SLC15A3: variants seen among roughly 807,000 people sequenced by gnomAD.
The protein encoded by SLC15A3 is osteoclast transporter.
A neutral mutation model predicts 49.2 loss-of-function variants in SLC15A3; 39 were observed. The observed-to-expected ratio is 0.79, with a 90% CI of 0.61 to 1.04. The LOEUF is 1.04. Among genes scored for constraint, SLC15A3 ranks in the 50% least tolerant of loss-of-function variants. The pLI is 0.00. For synonymous variants in SLC15A3, 339 were observed against 367.0 expected, an observed-to-expected ratio of 0.92 and a Z score of 0.87; for missense variants, 758 against 794.8, an observed-to-expected ratio of 0.95 and a Z score of 0.56.
Position 60,939,609 on chromosome 11 carries a change from T to G in SLC15A3, c.1306A>C (p.Ile436Leu). 3.1e-6 allele frequency: 5 copies of G among 1,614,054 alleles called. No individual in the cohort carries two copies. Among genetic ancestry groups the G allele is most frequent in the Non-Finnish European group, 4.2e-6 (5 of 1,179,982 alleles). ...TGGGACACGGTCTCGTTGTGGTGGA[T>G]GTAGTGTAAGCGCTCCATCTCCAGG... ...GVLEMERLHYIHHNETVSQQI... is the reference protein window; with the variant it reads ...GVLEMERLHYLHHNETVSQQI... Residue 436 changes from isoleucine to leucine, a missense_variant, in exon 6 of 8, where the codon ATC becomes CTC. By Grantham distance (5) the Ile-to-Leu change is conservative. Around this residue, in one of 3 missense-constraint regions of SLC15A3, gnomAD observed 699 missense variants for 706.7 expected, o/e 0.99. Coordinates refer to ENST00000227880, the MANE Select transcript of SLC15A3 (RefSeq NM_016582.3).
intron 2 of SLC15A3, among the ~76,000 whole-genome samples, chr11:60,944,340 T>C (rs1447393012): frequency 6.6e-6 from 1 of 152,090 alleles, no homozygotes; most frequent in Non-Finnish European, 1.5e-5. Context: ...ATCACCACCA[T>C]CGCCAAGGCC....
rs536232287 is a variant in SLC15A3 at position 60,938,233 on chromosome 11, C to T, written c.1436-208G>A. ...GCTCACCTGCCTCCTGGCTGAACCC[C>T]TGCACCGGGGTACTCCATGCGCTGC... On this transcript the variant is annotated intron_variant, in intron 6 of 7. Coordinates refer to ENST00000227880, the MANE Select transcript of SLC15A3 (RefSeq NM_016582.3). The T allele has an allele frequency of 1.9e-5, 11 of 591,300 alleles. No homozygotes were observed. In the East Asian group the frequency reaches 3.0e-4, roughly 16 times the overall value. The allele number at this position is 591,300 out of a possible 1,614,324, so 36.6% of individuals were successfully genotyped here. A position where few individuals can be genotyped will look rare whatever the true frequency, so the allele number is the denominator to read the frequency against.
chr11:60,939,490 G>T lies in SLC15A3; in HGVS notation c.1425C>A (p.Ala475=). 2 of 1,614,116 alleles carry T rather than the reference G, an allele frequency of 1.2e-6. No individual in the cohort carries two copies. The highest frequency in any genetic ancestry group is 1.7e-6 in the Non-Finnish European group (2 of 1,179,972). Residue 475 remains alanine (A), a synonymous_variant, in exon 6 of 8, where the codon GCC becomes GCA. Coordinates refer to ENST00000227880, the MANE Select transcript of SLC15A3 (RefSeq NM_016582.3). ...YLLIGISEIF[A]SIPGLEFAYS... ...GGGGATCCAGGGTACCTGGGATGCT[G>T]GCAAAGATCTCACTGATCCCAATGA...
chr11:60,949,378 GAA>G (rs1265231171), intron 1 of SLC15A3, among the ~76,000 whole-genome samples: 1 of 143,352 alleles, frequency 7.0e-6, no homozygotes, highest in Non-Finnish European at 1.5e-5. Context: ...GAAAGAGAAA[GAA>G]AGAGAGAGAG....
intron 7 of SLC15A3, 70 bp downstream of exon 7, chr11:60,937,800 T>C (rs1856642262): frequency 1.9e-6 from 3 of 1,554,850 alleles, no homozygotes; most frequent in African/African-American, 2.7e-5. Flanking sequence ...CAAAGCACTT[T>C]AGCAGTTGCC....
Position 60,950,979 on chromosome 11 carries a change from C to G in SLC15A3, c.558+15G>C. 2 of 1,423,960 alleles carry G rather than the reference C, an allele frequency of 1.4e-6. No homozygotes were observed. The highest frequency in any genetic ancestry group is 1.8e-6 in the Non-Finnish European group (2 of 1,095,844). 88.2% of individuals were successfully genotyped at this position (1,423,960 alleles called of 1,614,324 possible). A position where few individuals can be genotyped will look rare whatever the true frequency, so the allele number is the denominator to read the frequency against. On this transcript the variant is annotated intron_variant, in intron 1 of 7. Coordinates refer to ENST00000227880, the MANE Select transcript of SLC15A3 (RefSeq NM_016582.3). ...ACCCGCCGGAGTATGCCGGGGCAGG[C>G]CTCCTGCCACTCACCTGGTCGGCAC...
At position 60,941,238 on chromosome 11, in the gene SLC15A3, A is replaced by T; in HGVS notation, c.1160T>A (p.Val387Asp). ...GTCGATCAAGCGGTCCTTCAGAGGG[A>T]CCAGAATCAGCACCACCACAACATT... The part of the protein sequence containing the change: ...LANVVVVLIL[V>D]PLKDRLIDPL... The change falls in exon 5 of 8, where the codon GTC (valine) becomes GAC (aspartate). Residue 387 changes from valine (V) to aspartate (D), a missense_variant. Physicochemically the swap from Val to Asp is radical, Grantham distance 152. This residue lies in a region of SLC15A3 where 699 missense variants were observed against 706.7 expected (regional missense o/e 0.99). Transcript: ENST00000227880. 6.2e-7 allele frequency: 1 copy of T among 1,614,156 alleles called. No homozygotes were observed. The highest frequency in any genetic ancestry group is 8.5e-7 in the Non-Finnish European group (1 of 1,180,024).
intron 1 of SLC15A3, 94 bp downstream of exon 1, chr11:60,950,900 A>T: frequency 7.9e-7 from 1 of 1,264,812 alleles, no homozygotes; most frequent in Non-Finnish European, 1.0e-6. Flanking sequence ...TAGTGCAGGC[A>T]GGGGACCTGG....
intron 6 of SLC15A3, 43 bp from the exon 7 acceptor site, chr11:60,938,068 C>A (rs369468328): frequency 1.2e-6 from 2 of 1,600,682 alleles, no homozygotes; most frequent in Admixed American, 1.7e-5. Context: ...CTGGTGCAGG[C>A]GCAGAGAACA....
chr11:60,946,810 G>A lies in SLC15A3; in HGVS notation c.570C>T (p.Leu190=), dbSNP rs767081932. The A allele has an allele frequency of 2.1e-5, 33 of 1,609,230 alleles. No homozygotes were observed. Among genetic ancestry groups the A allele is most frequent in the Middle Eastern group, 1.7e-4 (1 of 6,054 alleles). The change falls in exon 2 of 8, where the codon CTC becomes CTT. Residue 190 remains leucine (L), a synonymous_variant. Coordinates refer to ENST00000227880, the MANE Select transcript of SLC15A3 (RefSeq NM_016582.3). The stretch of plus-strand genomic sequence containing the variant: ...AGAAGCGGCGGGTGGCGTCGCGGCC[G>A]AGATCCATCACCTGCCATTCAGGAA... ...TSFGADQVMD[L]GRDATRRFFN...
chr11:60,941,395 A>T (rs1471569289), intron 4 of SLC15A3, 105 bp from the exon 5 acceptor site: 1 of 1,188,838 alleles, frequency 8.4e-7, no homozygotes, highest in Non-Finnish European at 1.2e-6. Flanking sequence ...CCTGGGGTCC[A>T]GCTCCTTTCC....
chr11:60,940,329 T>G (rs1165973836), intron 5 of SLC15A3: 3 of 152,696 alleles, frequency 2.0e-5, no homozygotes, highest in Non-Finnish European at 4.4e-5. Context: ...CCCAGGATTA[T>G]TGTGAGGATA....
At chr11:60,939,455 G>A (rs924797864) in intron 6 of SLC15A3, 25 bp downstream of exon 6, 3 of 1,612,104 alleles carry the variant, frequency 1.9e-6, no homozygotes, top group Non-Finnish European at 2.5e-6. Flanking sequence ...ACTGGTGCAG[G>A]AGCAGGGGAG....
intron 6 of SLC15A3, 46 bp downstream of exon 6, chr11:60,939,434 C>T (rs1856678173): frequency 6.2e-7 from 1 of 1,604,852 alleles, no homozygotes; most frequent in African/African-American, 1.3e-5. Context: ...TGCCACCGGG[C>T]AGAGCCCATC....
rs770304014 is a variant in SLC15A3 at position 60,946,616 on chromosome 11, G to C, written c.764C>G (p.Pro255Arg). The C allele has an allele frequency of 3.7e-6, 6 of 1,613,886 alleles. No individual in the cohort carries two copies. The Admixed American group carries it at 1.0e-4, about 27-fold the overall frequency. The change falls in exon 2 of 8, where the codon CCC becomes CGC. Residue 255 changes from proline to arginine, a missense_variant. Pro to Arg is a moderately radical substitution (Grantham distance 103, BLOSUM62 -2). Transcript: ENST00000227880. ...LFATPVFITKPPMGSQVSSML... is the reference protein window; with the variant it reads ...LFATPVFITKRPMGSQVSSML... ...AGAGGACACTTGGCTGCCCATCGGG[G>C]GCTTGGTGATGAAGACGGGGGTGGC...
intron 2 of SLC15A3, among the ~76,000 whole-genome samples, chr11:60,945,988 C>G (rs979584198): frequency 6.6e-6 from 1 of 151,994 alleles, no homozygotes; most frequent in Non-Finnish European, 1.5e-5. Context: ...CCTCACACTT[C>G]CTTTTTTTTC....
chr11:60,946,869 A>G (rs940658200), intron 1 of SLC15A3, 48 bp from the exon 2 acceptor site: 2 of 1,562,578 alleles, frequency 1.3e-6, no homozygotes, highest in Admixed American at 1.7e-5. Flanking sequence ...GGTCCGGGGC[A>G]CTCTCTGTAC....
At chr11:60,945,656 G>C (rs1288540945) in intron 2 of SLC15A3, among the ~76,000 whole-genome samples, 2 of 152,186 alleles carry the variant, frequency 1.3e-5, no homozygotes, top group Non-Finnish European at 2.9e-5. Context: ...GGCATAAGTA[G>C]ACAGTTAATT....
At chr11:60,949,457 A>G (rs918579580) in intron 1 of SLC15A3, among the ~76,000 whole-genome samples, 4 of 149,676 alleles carry the variant, frequency 2.7e-5, no homozygotes, top group African/African-American at 1.0e-4. Flanking sequence ...AAAGAGAAAG[A>G]AAGAGAGAGA....
Sources: gnomAD v4.1 joint callset for allele counts (sites outside exome capture counted in the v4.1 genomes callset) on GRCh38, gnomAD v4.1.1 for gene constraint, gnomAD v4.1.1 regional missense constraint, MANE v1.5 for transcripts, NCBI Gene and HGNC (gene_info 2026-07-23, HGNC 2026-07-21) for gene names.